EPHB1: variants seen among roughly 807,000 people sequenced by gnomAD.
The protein encoded by EPHB1 is ephrin type-B receptor 1.
Under a neutral mutation model 94.4 loss-of-function variants are expected in EPHB1, and 30 were observed. That is an observed-to-expected ratio of 0.32 (90% CI 0.24 to 0.43). The LOEUF is 0.43. EPHB1 is among the 20% of genes least tolerant of loss of function. The pLI is 1.00. For synonymous variants in EPHB1, 522 were observed against 489.1 expected (o/e 1.07, Z -0.89); for missense variants, 1,055 against 1,308.3 (o/e 0.81, Z 2.99).
chr3:135,015,232 T>C (rs74940587), intron 3 of EPHB1, among the ~76,000 whole-genome samples: 2,025 of 152,024 alleles, frequency 0.013, 43 homozygotes, highest in African/African-American at 0.046. Context: ...TGCTGTCCAG[T>C]TGTCCAGTGC....
At chr3:134,845,791 C>G (rs983048337) in intron 1 of EPHB1, among the ~76,000 whole-genome samples, 2 of 152,234 alleles carry the variant, frequency 1.3e-5, no homozygotes, top group Non-Finnish European at 2.9e-5. Flanking sequence ...TGCCCCAAAG[C>G]ACTCACATGT....
intron 5 of EPHB1, 83 bp downstream of exon 5, chr3:135,133,132 C>A: frequency 7.5e-7 from 1 of 1,339,996 alleles, no homozygotes; most frequent in Non-Finnish European, 1.0e-6. Context: ...GCAGCCACAC[C>A]CATCCTGCCC....
intron 4 of EPHB1, among the ~76,000 whole-genome samples, chr3:135,121,173 C>T (rs113539709): frequency 0.013 from 1,956 of 152,264 alleles, 51 homozygotes; most frequent in African/African-American, 0.044. Flanking sequence ...GAGTGGCTTG[C>T]GAGGAGCTGA....
chr3:134,882,735 T>TTC (rs2037761527), intron 1 of EPHB1, among the ~76,000 whole-genome samples: 4 of 132,302 alleles, frequency 3.0e-5, no homozygotes, highest in Non-Finnish European at 4.9e-5. Context: ...TCTTTCCTTC[T>TTC]TTCCTTCTTT....
At chr3:134,840,486 C>A (rs2036755665) in intron 1 of EPHB1, 1 of 152,114 alleles carries the variant, frequency 6.6e-6, no homozygotes, top group African/African-American at 2.4e-5. Flanking sequence ...ATCAATCTGG[C>A]TCTCAGATGC....
At chr3:135,119,783 G>A (rs562701116) in intron 4 of EPHB1, among the ~76,000 whole-genome samples, 26 of 151,982 alleles carry the variant, frequency 1.7e-4, no homozygotes, top group Non-Finnish European at 3.1e-4. Flanking sequence ...TCTGTATGGT[G>A]TTTATGTTTA....
rs556860304 is a variant in EPHB1, at chr3:134,831,824, A to G, written c.58+36135A>G. 1.4e-3 allele frequency among the ~76,000 whole-genome samples: 208 copies of G among 152,330 alleles called. 1 individual carries two copies. The highest frequency in any genetic ancestry group is 4.9e-3 in the African/African-American group (203 of 41,578). ...TCTGATTTCTCAAAGAGGAGATTCT[A>G]TATTCTTCCTTGGTTCAACCCTATT... On this transcript the variant is annotated intron_variant, in intron 1 of 15. Transcript: ENST00000398015.
At chr3:135,070,509 G>A (rs1202748009) in intron 3 of EPHB1, among the ~76,000 whole-genome samples, 5 of 152,134 alleles carry the variant, frequency 3.3e-5, no homozygotes, top group African/African-American at 9.7e-5. Flanking sequence ...GAAACTGAGC[G>A]CTGGTGTTTG....
intron 13 of EPHB1, 147 bp downstream of exon 13, chr3:135,241,444 C>A: frequency 9.7e-7 from 1 of 1,035,128 alleles, no homozygotes; most frequent in African/African-American, 1.6e-5. Flanking sequence ...ACACCCTTAG[C>A]ATGGATGTTG....
intron 11 of EPHB1, among the ~76,000 whole-genome samples, chr3:135,198,008 G>A (rs897250879): frequency 6.6e-6 from 1 of 152,178 alleles, no homozygotes; most frequent in African/African-American, 2.4e-5. Context: ...ATCTTGATAT[G>A]TGGTTCTCTT....
At chr3:134,928,647 G>T (rs1461838984) in intron 2 of EPHB1, among the ~76,000 whole-genome samples, 1 of 152,150 alleles carries the variant, frequency 6.6e-6, no homozygotes, top group Non-Finnish European at 1.5e-5. Flanking sequence ...GGCACCCACG[G>T]GAAGGTGTGC....
chr3:135,069,368 TG>T lies in EPHB1; in HGVS notation c.806-37079del, dbSNP rs1937633129. Among the ~76,000 whole-genome samples the T allele has an allele frequency of 2.0e-5, 3 of 152,270 alleles. No homozygotes were observed. The South Asian group carries it at 6.2e-4, about 32-fold the overall frequency. ...TTCATAGTGCTCTCTGCTACTCTTC[TG>T]TCAGGCTTACAGTCTTTTTTGAGTT... On this transcript the variant is annotated intron_variant, in intron 3 of 15. Coordinates refer to ENST00000398015, the MANE Select transcript of EPHB1 (RefSeq NM_004441.5).
chr3:135,000,330 G>T (rs1935133116), intron 3 of EPHB1, among the ~76,000 whole-genome samples: 1 of 152,188 alleles, frequency 6.6e-6, no homozygotes, highest in South Asian at 2.1e-4. Flanking sequence ...CATCATCTCT[G>T]CCCATGAGAA....
chr3:135,104,591 A>T (rs1474340119), intron 3 of EPHB1, among the ~76,000 whole-genome samples: 2 of 152,258 alleles, frequency 1.3e-5, no homozygotes, highest in African/African-American at 4.8e-5. Context: ...TCTGCAAAGT[A>T]AGGCTTCTTG....
At chr3:135,105,719 C>T (rs1939190362) in intron 3 of EPHB1, among the ~76,000 whole-genome samples, 1 of 152,184 alleles carries the variant, frequency 6.6e-6, no homozygotes, top group Non-Finnish European at 1.5e-5. Flanking sequence ...TTCCCCACTG[C>T]CATGTGCATG....
intron 1 of EPHB1, among the ~76,000 whole-genome samples, chr3:134,905,427 CTT>C (rs1462072668): frequency 3.9e-5 from 6 of 152,256 alleles, no homozygotes; most frequent in African/African-American, 7.2e-5. Context: ...AGGCATTTCT[CTT>C]GTCATTCCCG....
Position 135,162,069 on chromosome 3 carries a change from A to G in EPHB1, c.1474A>G (p.Arg492Gly). Reference sequence around the variant, plus strand: ...GGCCAGGAGTCAGACCAACACAGCAAGGATTGATGGGCTGCGGCCTGGCAT... The same window carrying G: ...GGCCAGGAGTCAGACCAACACAGCAGGGATTGATGGGCTGCGGCCTGGCAT... ...SMARSQTNTA[R>G]IDGLRPGMVY... The change falls in exon 7 of 16, where the codon AGG becomes GGG. Residue 492 changes from arginine to glycine, a missense_variant. By Grantham distance (125) the Arg-to-Gly change is moderately radical. Transcript: ENST00000398015. 1 of 1,613,592 alleles carries G rather than the reference A, an allele frequency of 6.2e-7. No individual in the cohort carries two copies. The highest frequency in any genetic ancestry group is 8.5e-7 in the Non-Finnish European group (1 of 1,179,656).
At chr3:134,962,956 G>T (rs1050716657) in intron 3 of EPHB1, among the ~76,000 whole-genome samples, 4 of 152,182 alleles carry the variant, frequency 2.6e-5, no homozygotes, top group Non-Finnish European at 5.9e-5. Flanking sequence ...TCTGCCAGGG[G>T]TGTTGGCTCA....
intron 1 of EPHB1, among the ~76,000 whole-genome samples, chr3:134,831,363 C>T (rs957243258): frequency 6.6e-6 from 1 of 152,212 alleles, no homozygotes; most frequent in African/African-American, 2.4e-5. Flanking sequence ...TGCCCAATCC[C>T]ACAGCTGGGC....
Sources: allele counts gnomAD v4.1 joint callset (sites outside exome capture counted in the v4.1 genomes callset), GRCh38; gene constraint gnomAD v4.1.1; transcripts MANE v1.5; gene names NCBI Gene and HGNC (gene_info 2026-07-23, HGNC 2026-07-21).